Variants in RBFOX1 observed in about 807,000 individuals in gnomAD.
RBFOX1 encodes RNA binding fox-1 homolog 1, also known as RNA binding protein fox-1 homolog 1.
In RBFOX1, 8 loss-of-function variants were observed where a neutral mutation model predicts 57.7. That is an observed-to-expected ratio of 0.14 (90% CI 0.08 to 0.25). The LOEUF (loss-of-function observed/expected upper bound fraction) is 0.25, where lower values mean the gene tolerates loss of function less well. RBFOX1 is among the 10% of genes least tolerant of loss of function. The pLI, the probability that RBFOX1 is intolerant of heterozygous loss-of-function variation, is 1.00. For synonymous variants in RBFOX1, 326 were observed against 222.4 expected, an observed-to-expected ratio of 1.47 and a Z score of -4.15; for missense variants, 611 against 548.5, an observed-to-expected ratio of 1.11 and a Z score of -1.14.
At chr16:6,945,138 C>T (rs140383218) in intron 3 of RBFOX1, among the ~76,000 whole-genome samples, 3 of 152,082 alleles carry the variant, frequency 2.0e-5, no homozygotes, top group Non-Finnish European at 4.4e-5. Flanking sequence ...GGTAGGGGCA[C>T]AGTACATAGG....
At chr16:6,881,100 G>T (rs2062844516) in intron 3 of RBFOX1, among the ~76,000 whole-genome samples, 1 of 152,128 alleles carries the variant, frequency 6.6e-6, no homozygotes, top group African/African-American at 2.4e-5. Flanking sequence ...AGTCTGAGCT[G>T]GTCTTACCAT....
At chr16:6,208,611 G>A (rs1184272699) in intron 1 of RBFOX1, among the ~76,000 whole-genome samples, 2 of 152,212 alleles carry the variant, frequency 1.3e-5, no homozygotes, top group African/African-American at 4.8e-5. Context: ...CGCTGACGGT[G>A]TTGTGAAGAA....
chr16:6,750,110 A>T (rs1337447913), intron 3 of RBFOX1, among the ~76,000 whole-genome samples: 4 of 152,192 alleles, frequency 2.6e-5, no homozygotes. Flanking sequence ...TCTTTCTGTT[A>T]CTGTCAGAAC....
rs1198085514 is a variant in RBFOX1 at position 6,079,579 on chromosome 16, A to C, written c.-127+59587A>C. Among the ~76,000 whole-genome samples, 3 of 150,352 alleles carry C rather than the reference A, an allele frequency of 2.0e-5. No homozygotes were observed. In the Admixed American group the frequency reaches 2.0e-4, roughly 10 times the overall value. ...GCTCAACTGATCCACCAGCCTCCCA[A>C]AATAAGCTACCACTCCTGGCTGTAA... On this transcript the variant is annotated intron_variant, in intron 1 of 15. Transcript: ENST00000550418.
intron 4 of RBFOX1, among the ~76,000 whole-genome samples, chr16:7,416,860 C>T (rs990310649): frequency 6.6e-6 from 1 of 152,094 alleles, no homozygotes; most frequent in Non-Finnish European, 1.5e-5. Flanking sequence ...CACATATTAT[C>T]TCATTCAATC....
chr16:5,896,172 G>C (rs886179633), intron 4 of RBFOX1, among the ~76,000 whole-genome samples: 2 of 152,144 alleles, frequency 1.3e-5, no homozygotes, highest in African/African-American at 4.8e-5. Context: ...TGTGGAGCAT[G>C]AATGGTCCCC....
At chr16:5,435,485 A>G (rs2067888052) in intron 1 of RBFOX1, among the ~76,000 whole-genome samples, 1 of 152,148 alleles carries the variant, frequency 6.6e-6, no homozygotes, top group Non-Finnish European at 1.5e-5. Flanking sequence ...ACAGCCCACT[A>G]CGATCCCTGG....
At chr16:6,682,150 T>C (rs1434585052) in intron 3 of RBFOX1, among the ~76,000 whole-genome samples, 1 of 152,206 alleles carries the variant, frequency 6.6e-6, no homozygotes, top group Non-Finnish European at 1.5e-5. Context: ...GAATGTGTAT[T>C]GTTTGCCTGT....
intron 3 of RBFOX1, among the ~76,000 whole-genome samples, chr16:5,666,186 G>T (rs889148278): frequency 1.3e-5 from 2 of 152,208 alleles, no homozygotes; most frequent in Non-Finnish European, 2.9e-5. Context: ...GGAGGCAGCT[G>T]GGAAGGAAAG....
chr16:7,086,443 T>C (rs1229462521), intron 4 of RBFOX1, among the ~76,000 whole-genome samples: 3 of 152,208 alleles, frequency 2.0e-5, no homozygotes, highest in South Asian at 2.1e-4. Context: ...TCAATTAATA[T>C]GCTGGGCAAA....
intron 10 of RBFOX1, among the ~76,000 whole-genome samples, chr16:7,613,953 G>A (rs1291831389): frequency 6.6e-6 from 1 of 152,118 alleles, no homozygotes; most frequent in African/African-American, 2.4e-5. Context: ...AAAAGTCCTA[G>A]GTATAAAGCA....
At chr16:5,624,293 C>G (rs1395374300) in intron 3 of RBFOX1, among the ~76,000 whole-genome samples, 1 of 152,210 alleles carries the variant, frequency 6.6e-6, no homozygotes, top group Non-Finnish European at 1.5e-5. Context: ...CTTCTGGGTT[C>G]ACACCATTCT....
intron 4 of RBFOX1, among the ~76,000 whole-genome samples, chr16:7,259,539 G>T (rs2094833463): frequency 6.6e-6 from 1 of 150,814 alleles, no homozygotes; most frequent in Admixed American, 6.6e-5. Context: ...AGAAACAGGA[G>T]ATAGTCAGTA....
intron 1 of RBFOX1, among the ~76,000 whole-genome samples, chr16:6,073,496 A>G (rs1287481637): frequency 6.6e-6 from 1 of 152,212 alleles, no homozygotes; most frequent in Non-Finnish European, 1.5e-5. Context: ...GTGTATGCTA[A>G]TAGGAAAAAC....
At chr16:5,262,551 A>C (rs779802354) in intron 1 of RBFOX1, among the ~76,000 whole-genome samples, 53 of 152,248 alleles carry the variant, frequency 3.5e-4, no homozygotes, top group Non-Finnish European at 7.1e-4. Context: ...TGCTGGCTGC[A>C]GACTCCAGGA....
chr16:6,814,090 G>A (rs1394399808), intron 3 of RBFOX1, among the ~76,000 whole-genome samples: 1 of 152,096 alleles, frequency 6.6e-6, no homozygotes, highest in East Asian at 1.9e-4. Flanking sequence ...TCTCTCATTT[G>A]TCCCTACTTT....
chr16:7,170,039 A>G (rs2080372886), intron 4 of RBFOX1, among the ~76,000 whole-genome samples: 2 of 152,138 alleles, frequency 1.3e-5, no homozygotes, highest in Non-Finnish European at 2.9e-5. Flanking sequence ...GTGCCAATGC[A>G]CTCTAGCCTA....
chr16:6,118,954 A>G (rs776619908), intron 1 of RBFOX1, among the ~76,000 whole-genome samples: 12 of 151,622 alleles, frequency 7.9e-5, no homozygotes, highest in Non-Finnish European at 1.6e-4. Flanking sequence ...GGAGGGCACT[A>G]ACATTCAGAC....
intron 4 of RBFOX1, among the ~76,000 whole-genome samples, chr16:7,301,808 A>G (rs1303526418): frequency 1.3e-5 from 2 of 152,192 alleles, no homozygotes; most frequent in African/African-American, 4.8e-5. Flanking sequence ...ACGCAACAGT[A>G]AAGAATGGGA....
Sources: allele counts gnomAD v4.1 joint callset (sites outside exome capture counted in the v4.1 genomes callset), GRCh38; gene constraint gnomAD v4.1.1; transcripts MANE v1.5; gene names NCBI Gene and HGNC (gene_info 2026-07-23, HGNC 2026-07-21).